The following BBX variants were observed in gnomAD, a reference collection of about 807,000 sequenced individuals.
BBX encodes BBX high mobility group box domain containing, also known as HMG box transcription factor BBX.
BBX carries 30 observed loss-of-function variants against 100.2 expected under a neutral mutation model. That is an observed-to-expected ratio of 0.30 (90% confidence interval 0.22 to 0.41). BBX has a LOEUF of 0.41. BBX is among the 10% of genes least tolerant of loss of function. BBX has a pLI of 1.00. For missense variants in BBX, 1,023 were observed against 1,129.8 expected, an observed-to-expected ratio of 0.91 and a Z score of 1.35; for synonymous variants, 376 against 388.1, an observed-to-expected ratio of 0.97 and a Z score of 0.37.
At chr3:107,627,171 C>T (rs17204920) in intron 2 of BBX, among the ~76,000 whole-genome samples, 11,366 of 152,254 alleles carry the variant, frequency 0.075, 558 homozygotes, top group Admixed American at 0.12. Flanking sequence ...CTGGCTACCA[C>T]CTTATCTTAC....
intron 13 of BBX, among the ~76,000 whole-genome samples, chr3:107,779,271 G>A (rs79339809): frequency 0.022 from 3,343 of 151,646 alleles, 125 homozygotes; most frequent in African/African-American, 0.075. Context: ...TGTGGGACAG[G>A]CACTGGAGTA....
At chr3:107,731,471 A>G (rs1028281043) in intron 6 of BBX, among the ~76,000 whole-genome samples, 5 of 152,224 alleles carry the variant, frequency 3.3e-5, no homozygotes, top group Middle Eastern at 3.4e-3. Flanking sequence ...CAGCCATAGT[A>G]TTTCTTAAAC....
At chr3:107,680,862 G>A (rs1052926209) in intron 3 of BBX, among the ~76,000 whole-genome samples, 1 of 152,150 alleles carries the variant, frequency 6.6e-6, no homozygotes, top group African/African-American at 2.4e-5. Flanking sequence ...TTTTAGAATT[G>A]CACTTCATGT....
intron 2 of BBX, among the ~76,000 whole-genome samples, chr3:107,591,750 G>T (rs1280689809): frequency 6.6e-6 from 1 of 152,160 alleles, no homozygotes; most frequent in African/African-American, 2.4e-5. Flanking sequence ...GGCCTCCCAA[G>T]TGCTGGTATT....
At chr3:107,625,499 G>A (rs1232653149) in intron 2 of BBX, among the ~76,000 whole-genome samples, 1 of 152,184 alleles carries the variant, frequency 6.6e-6, no homozygotes, top group African/African-American at 2.4e-5. Context: ...GTCCAGGCTA[G>A]TCTCGAACTC....
chr3:107,558,994 C>CT (rs2050287648), intron 2 of BBX, among the ~76,000 whole-genome samples: 1 of 152,106 alleles, frequency 6.6e-6, no homozygotes, highest in Non-Finnish European at 1.5e-5. Context: ...ATGTGAGAGG[C>CT]TTTTTAGGCA....
chr3:107,774,658 A>C, intron 11 of BBX, 61 bp from the exon 12 acceptor site: 1 of 1,556,072 alleles, frequency 6.4e-7, no homozygotes, highest in East Asian at 2.3e-5. Flanking sequence ...TGAAGCAACT[A>C]ACATCATCTC....
intron 3 of BBX, among the ~76,000 whole-genome samples, chr3:107,689,628 C>T (rs929073125): frequency 2.6e-5 from 4 of 152,102 alleles, no homozygotes; most frequent in Non-Finnish European, 4.4e-5. Context: ...TGTCTTGTTC[C>T]GATTCCCTCC....
At chr3:107,785,446 T>A (rs1467998288) in intron 13 of BBX, among the ~76,000 whole-genome samples, 2 of 151,968 alleles carry the variant, frequency 1.3e-5, no homozygotes, top group Non-Finnish European at 2.9e-5. Flanking sequence ...AACACTGGCA[T>A]ACCAAATTCA....
chr3:107,773,045 G>A lies in BBX; in HGVS notation c.1324G>A (p.Ala442Thr), dbSNP rs138961599. ...PHGIMIIEDP[A>T]ALNKPEKLKK... ...TGGAATTATGATCATTGAGGATCCC[G>A]CAGCATTAAACAAGCCAGAAAAGCT... The change falls in exon 11 of 18, where the codon GCA (alanine) becomes ACA (threonine). Residue 442 changes from alanine to threonine, a missense_variant. Ala to Thr is a moderately conservative substitution (Grantham distance 58). This residue lies in a region of BBX where 348 missense variants were observed against 353.2 expected (regional missense o/e 0.99). Coordinates refer to ENST00000325805, the MANE Select transcript of BBX (RefSeq NM_001142568.3). This position sits in a 1 kb window ranked among gnomAD's most constrained non-coding sequence, Gnocchi z 4.1. 9.7e-3 allele frequency: 15,631 copies of A among 1,613,856 alleles called. 120 individuals carry two copies. Among genetic ancestry groups the A allele is most frequent in the Non-Finnish European group, 0.012 (14,307 of 1,179,986 alleles).
chr3:107,644,445 T>C (rs1206407916), intron 2 of BBX, among the ~76,000 whole-genome samples: 1 of 152,226 alleles, frequency 6.6e-6, no homozygotes, highest in Non-Finnish European at 1.5e-5. Context: ...ATCTGTTTCA[T>C]AATATTTAAT....
At chr3:107,673,714 A>G (rs1255459473) in intron 3 of BBX, among the ~76,000 whole-genome samples, 4 of 152,046 alleles carry the variant, frequency 2.6e-5, no homozygotes, top group Non-Finnish European at 4.4e-5. Flanking sequence ...TTTTTTTTAG[A>G]AATTTCTCTT....
chr3:107,787,948 CAAAGG>C (rs1422387474), intron 13 of BBX, among the ~76,000 whole-genome samples: 5 of 152,038 alleles, frequency 3.3e-5, no homozygotes, highest in Admixed American at 6.6e-5. Context: ...TAGAGAGACT[CAAAGG>C]AAAGGAGTGG....
intron 2 of BBX, among the ~76,000 whole-genome samples, chr3:107,547,305 T>C (rs1396047075): frequency 6.6e-6 from 1 of 152,194 alleles, no homozygotes; most frequent in Non-Finnish European, 1.5e-5. Context: ...CTAATGGTAT[T>C]GGTGACCATT....
At chr3:107,767,060 G>T (rs924151340) in intron 10 of BBX, among the ~76,000 whole-genome samples, 2 of 152,206 alleles carry the variant, frequency 1.3e-5, no homozygotes, top group Admixed American at 6.5e-5. Context: ...CGCAGGATAG[G>T]GAGCTAGGGG....
intron 16 of BBX, among the ~76,000 whole-genome samples, chr3:107,800,118 G>A (rs535030236): frequency 6.6e-6 from 1 of 152,290 alleles, no homozygotes; most frequent in South Asian, 2.1e-4. Context: ...ATTTTGCCCT[G>A]TCATATAAGA....
At chr3:107,720,624 G>A (rs777112768) in intron 5 of BBX, among the ~76,000 whole-genome samples, 1 of 151,994 alleles carries the variant, frequency 6.6e-6, no homozygotes, top group Non-Finnish European at 1.5e-5. Flanking sequence ...AGGTTCAGCT[G>A]TATGCCAATA....
At chr3:107,697,867 C>G (rs1463116543) in intron 3 of BBX, among the ~76,000 whole-genome samples, 1 of 151,834 alleles carries the variant, frequency 6.6e-6, no homozygotes, top group Non-Finnish European at 1.5e-5. Flanking sequence ...GGCGTACGAC[C>G]CTCCGAGCCA....
rs1040205411 is a variant in BBX, at chr3:107,619,940, T to A, written c.-83-25896T>A. Among the ~76,000 whole-genome samples, 10 of 152,170 alleles carry A rather than the reference T, an allele frequency of 6.6e-5. No individual in the cohort carries two copies. In the South Asian group the frequency reaches 1.7e-3, roughly 25 times the overall value. On this transcript the variant is annotated intron_variant, in intron 2 of 17. Transcript: ENST00000325805. ...TGGTATATATGTTTCTTTGCCACAG[T>A]TGGGAAGTTTTCAGCCATTATTTGA...
Sources: gnomAD v4.1 joint callset for allele counts (sites outside exome capture counted in the v4.1 genomes callset) on GRCh38, gnomAD v4.1.1 for gene constraint, gnomAD v4.1.1 regional missense constraint, Gnocchi (gnomAD v3.1) non-coding constraint, MANE v1.5 for transcripts, NCBI Gene and HGNC (gene_info 2026-07-23, HGNC 2026-07-21) for gene names.